Variants in EEFSEC observed in about 807,000 individuals in gnomAD.
The protein encoded by EEFSEC is selenocysteine-specific elongation factor.
EEFSEC carries 43 observed loss-of-function variants against 42.1 expected under a neutral mutation model. The ratio of observed to expected loss-of-function variants is 1.02; its 90% confidence interval spans 0.80 to 1.32. The LOEUF (loss-of-function observed/expected upper bound fraction) is 1.32, where lower values mean the gene tolerates loss of function less well. EEFSEC is among the 40% of genes most tolerant of loss of function. The probability of loss-of-function intolerance (pLI) is 0.00; values close to 1 mark genes in which losing one functional copy is unlikely to be tolerated. For missense variants in EEFSEC, 745 were observed against 803.6 expected (o/e 0.93, Z 0.88); for synonymous variants, 354 against 339.1 (o/e 1.04, Z -0.48).
intron 6 of EEFSEC, among the ~76,000 whole-genome samples, chr3:128,392,702 C>T (rs1221218332): frequency 1.3e-5 from 2 of 152,260 alleles, no homozygotes; most frequent in African/African-American, 4.8e-5. Flanking sequence ...GCCCAGACCA[C>T]TGTGCACAAC....
chr3:128,237,363 C>T (rs917120655), intron 1 of EEFSEC, among the ~76,000 whole-genome samples: 6 of 151,802 alleles, frequency 4.0e-5, no homozygotes, highest in Non-Finnish European at 8.8e-5. Flanking sequence ...CTCACCCTTT[C>T]TTTCAGTACT....
chr3:128,340,853 A>G (rs929412784), intron 4 of EEFSEC, among the ~76,000 whole-genome samples: 1 of 152,224 alleles, frequency 6.6e-6, no homozygotes, highest in African/African-American at 2.4e-5. Context: ...AAACCTGGAC[A>G]GAGGGCTGGA....
chr3:128,383,714 T>C (rs1362785990), intron 6 of EEFSEC, among the ~76,000 whole-genome samples: 1 of 152,236 alleles, frequency 6.6e-6, no homozygotes, highest in African/African-American at 2.4e-5. Flanking sequence ...TGCCAGGCCC[T>C]GAGTCAGAGG....
chr3:128,323,803 A>G (rs741927), intron 4 of EEFSEC, among the ~76,000 whole-genome samples: 2,264 of 152,286 alleles, frequency 0.015, 57 homozygotes, highest in African/African-American at 0.05. Flanking sequence ...GGCGGCTGCC[A>G]TGTTGAATGC....
the EEFSEC span, among the ~76,000 whole-genome samples, chr3:128,421,120 G>A: frequency 5.9e-5 from 9 of 152,176 alleles, no homozygotes; most frequent in African/African-American, 1.7e-4. Context: ...CCTTGTCCCC[G>A]GGGCCTTGTC....
intron 1 of EEFSEC, among the ~76,000 whole-genome samples, chr3:128,173,906 A>G (rs2065322850): frequency 6.6e-6 from 1 of 152,214 alleles, no homozygotes; most frequent in African/African-American, 2.4e-5. Context: ...CCTTGTGTGT[A>G]CAGTGGCAGA....
intron 4 of EEFSEC, among the ~76,000 whole-genome samples, chr3:128,332,105 A>G (rs766676134): frequency 3.3e-4 from 50 of 152,176 alleles, no homozygotes; most frequent in Non-Finnish European, 2.5e-4. Flanking sequence ...AATACCATAT[A>G]TATGTTATTG....
At chr3:128,393,131 C>T (rs2067936602) in intron 6 of EEFSEC, among the ~76,000 whole-genome samples, 1 of 152,216 alleles carries the variant, frequency 6.6e-6, no homozygotes, top group African/African-American at 2.4e-5. Context: ...AAGAAGCTTT[C>T]TTTCCAGAGC....
At chr3:128,373,391 A>C (rs938000591) in intron 6 of EEFSEC, among the ~76,000 whole-genome samples, 1 of 152,142 alleles carries the variant, frequency 6.6e-6, no homozygotes, top group Non-Finnish European at 1.5e-5. Context: ...CTGAGTTTAG[A>C]ATGGCACTTG....
At chr3:128,312,146 T>G (rs2066896686) in intron 4 of EEFSEC, among the ~76,000 whole-genome samples, 1 of 152,212 alleles carries the variant, frequency 6.6e-6, no homozygotes, top group Non-Finnish European at 1.5e-5. Flanking sequence ...GAGACAGAAC[T>G]TGAGAAAGGG....
chr3:128,161,384 G>A (rs140848896), intron 1 of EEFSEC, among the ~76,000 whole-genome samples: 4 of 152,296 alleles, frequency 2.6e-5, no homozygotes, highest in African/African-American at 9.6e-5. Flanking sequence ...TCTGGTGGCT[G>A]TGAGGATTAA....
intron 4 of EEFSEC, among the ~76,000 whole-genome samples, chr3:128,306,751 A>G (rs1490709940): frequency 6.6e-6 from 1 of 152,242 alleles, no homozygotes; most frequent in Admixed American, 6.5e-5. Context: ...ACGTAAAGCT[A>G]TCCTTTCAAG....
rs1003606231 is a variant in EEFSEC, at chr3:128,153,899, G to C, written c.316+76G>C. The C allele has an allele frequency of 4.9e-6, 7 of 1,425,254 alleles. No homozygotes were observed. In the African/African-American group the frequency reaches 9.1e-5, roughly 18 times the overall value. The allele number at this position is 1,425,254 out of a possible 1,614,324, so 88.3% of individuals were successfully genotyped here. On this transcript the variant is annotated intron_variant, in intron 1 of 6. Transcript: ENST00000254730. ...CCGGGCCCCGTGTCCGAATTCGCTC[G>C]AGCCTTTGCCGGGACGGGAAATCGC...
At chr3:128,351,811 C>G (rs998291515) in intron 5 of EEFSEC, among the ~76,000 whole-genome samples, 2 of 152,214 alleles carry the variant, frequency 1.3e-5, no homozygotes, top group African/African-American at 2.4e-5. Flanking sequence ...CTCAGTCCCT[C>G]CAGTGACTGA....
chr3:128,255,741 A>T (rs2066235206), intron 2 of EEFSEC, among the ~76,000 whole-genome samples: 2 of 152,026 alleles, frequency 1.3e-5, no homozygotes, highest in Admixed American at 1.3e-4. Context: ...TGAAAGTGGC[A>T]GGGTGGGGGT....
chr3:128,154,957 C>T (rs758861470), intron 1 of EEFSEC, among the ~76,000 whole-genome samples: 4 of 152,036 alleles, frequency 2.6e-5, no homozygotes, highest in Non-Finnish European at 4.4e-5. Flanking sequence ...CAAAGAGGTA[C>T]CATTAATTTT....
intron 3 of EEFSEC, among the ~76,000 whole-genome samples, chr3:128,264,106 G>A (rs1433304749): frequency 3.3e-5 from 5 of 152,172 alleles, no homozygotes; most frequent in South Asian, 2.1e-4. Flanking sequence ...CAGTACAGGC[G>A]AGGCTCAGCC....
the EEFSEC span, among the ~76,000 whole-genome samples, chr3:128,421,169 C>T: frequency 1.0e-3 from 156 of 152,350 alleles, 1 homozygote; most frequent in East Asian, 0.011. Context: ...CCAGCCACCC[C>T]TCCAGGCCCA....
chr3:128,401,603 A>G (rs1342596963), intron 6 of EEFSEC, among the ~76,000 whole-genome samples: 1 of 152,182 alleles, frequency 6.6e-6, no homozygotes, highest in Non-Finnish European at 1.5e-5. Flanking sequence ...TAGCTGAAGC[A>G]TGGTACATGA....
Sources: allele counts gnomAD v4.1 joint callset (sites outside exome capture counted in the v4.1 genomes callset), GRCh38; gene constraint gnomAD v4.1.1; transcripts MANE v1.5; gene names NCBI Gene and HGNC (gene_info 2026-07-23, HGNC 2026-07-21).